The following CDH18 variants were observed in gnomAD, a reference collection of about 807,000 sequenced individuals.
CDH18 encodes the protein cadherin-18.
A neutral mutation model predicts 67.9 loss-of-function variants in CDH18; 31 were observed. That is an observed-to-expected ratio of 0.46 (90% confidence interval 0.34 to 0.62). The LOEUF is 0.62. Ranked by LOEUF, CDH18 falls within the 20% of genes least tolerant of loss-of-function variation. CDH18 has a pLI of 0.01. For synonymous variants in CDH18, 362 were observed against 347.2 expected, an observed-to-expected ratio of 1.04 and a Z score of -0.48; for missense variants, 890 against 975.5, an observed-to-expected ratio of 0.91 and a Z score of 1.17.
At chr5:20,383,789 T>TG (rs1390153348) in intron 1 of CDH18, among the ~76,000 whole-genome samples, 1 of 152,090 alleles carries the variant, frequency 6.6e-6, no homozygotes, top group Non-Finnish European at 1.5e-5. Flanking sequence ...AACATAAACT[T>TG]GTGAGCATAG....
intron 1 of CDH18, among the ~76,000 whole-genome samples, chr5:19,987,253 A>AACACACAC (rs10654722): frequency 0.018 from 2,653 of 144,420 alleles, 72 homozygotes; most frequent in African/African-American, 0.061. Context: ...CTGTACAGAC[A>AACACACAC]ACACACACAC....
chr5:20,520,954 G>C (rs372829616), intron 1 of CDH18, among the ~76,000 whole-genome samples: 1 of 152,178 alleles, frequency 6.6e-6, no homozygotes, highest in South Asian at 2.1e-4. Context: ...TCAGCTAAAA[G>C]GTGAGCAGTA....
chr5:20,109,594 G>A (rs1747278286), intron 2 of CDH18, among the ~76,000 whole-genome samples: 1 of 152,168 alleles, frequency 6.6e-6, no homozygotes, highest in African/African-American at 2.4e-5. Flanking sequence ...TTTTCCTTCA[G>A]ACCTTCCCAA....
At chr5:19,918,309 T>TA (rs565098873) in intron 2 of CDH18, among the ~76,000 whole-genome samples, 1 of 152,192 alleles carries the variant, frequency 6.6e-6, no homozygotes, top group Admixed American at 6.6e-5. Flanking sequence ...ACATTTATCT[T>TA]AAAAAATGGA....
chr5:20,293,828 TA>T (rs1747282731), intron 1 of CDH18, among the ~76,000 whole-genome samples: 1 of 152,184 alleles, frequency 6.6e-6, no homozygotes, highest in Non-Finnish European at 1.5e-5. Context: ...GCTCAACATG[TA>T]AAAACCACAG....
chr5:20,496,740 T>C (rs1753932159), intron 1 of CDH18, among the ~76,000 whole-genome samples: 1 of 152,082 alleles, frequency 6.6e-6, no homozygotes, highest in Non-Finnish European at 1.5e-5. Flanking sequence ...TCATAAAGGA[T>C]AATTAGTAGT....
At chr5:19,816,713 CTTT>C (rs1779322938) in intron 3 of CDH18, among the ~76,000 whole-genome samples, 1 of 151,608 alleles carries the variant, frequency 6.6e-6, no homozygotes, top group Non-Finnish European at 1.5e-5. Context: ...CTGCATCATT[CTTT>C]TTTATTTAAT....
At chr5:19,531,129 T>C (rs182658721) in intron 9 of CDH18, among the ~76,000 whole-genome samples, 1 of 152,270 alleles carries the variant, frequency 6.6e-6, no homozygotes, top group East Asian at 1.9e-4. Flanking sequence ...TTCAAGAAAA[T>C]GTTCTTTGAA....
intron 2 of CDH18, among the ~76,000 whole-genome samples, chr5:20,143,961 G>A (rs548732569): frequency 1.3e-5 from 2 of 152,252 alleles, no homozygotes; most frequent in South Asian, 4.1e-4. Context: ...AAAGGTGTGT[G>A]GAGGCCTCTC....
chr5:20,470,757 G>T (rs181780473), intron 1 of CDH18, among the ~76,000 whole-genome samples: 22 of 152,238 alleles, frequency 1.4e-4, no homozygotes, highest in Admixed American at 1.4e-3. Flanking sequence ...TACACTACAA[G>T]TTCCAGCAAT....
intron 1 of CDH18, among the ~76,000 whole-genome samples, chr5:20,366,684 A>T (rs1210056315): frequency 6.6e-6 from 1 of 152,216 alleles, no homozygotes; most frequent in Non-Finnish European, 1.5e-5. Context: ...GTTGTTGTAA[A>T]GAAAAATTAA....
intron 1 of CDH18, among the ~76,000 whole-genome samples, chr5:20,450,141 C>G (rs1392143605): frequency 1.3e-5 from 2 of 152,086 alleles, no homozygotes; most frequent in Non-Finnish European, 2.9e-5. Flanking sequence ...AGTTGGAGAC[C>G]AGCCTAGCCA....
intron 5 of CDH18, among the ~76,000 whole-genome samples, chr5:19,700,725 C>A (rs1275529524): frequency 6.6e-6 from 1 of 152,140 alleles, no homozygotes; most frequent in Non-Finnish European, 1.5e-5. Flanking sequence ...AGTGGACTCC[C>A]AGGCTTGTAC....
chr5:20,323,012 TA>T (rs1267943593), intron 1 of CDH18, among the ~76,000 whole-genome samples: 2 of 151,690 alleles, frequency 1.3e-5, no homozygotes, highest in African/African-American at 2.4e-5. Flanking sequence ...GAATAGGTTT[TA>T]AAAAAAAGCA....
intron 1 of CDH18, among the ~76,000 whole-genome samples, chr5:20,409,129 C>A (rs188892558): frequency 6.6e-6 from 1 of 151,688 alleles, no homozygotes; most frequent in Non-Finnish European, 1.5e-5. Context: ...TACAATACCA[C>A]ACTTAAGGAA....
chr5:20,166,532 T>G (rs1736307769), intron 2 of CDH18, among the ~76,000 whole-genome samples: 1 of 151,480 alleles, frequency 6.6e-6, no homozygotes, highest in Non-Finnish European at 1.5e-5. Context: ...CATTGCCACC[T>G]ACAGAACTGG....
intron 1 of CDH18, among the ~76,000 whole-genome samples, chr5:20,441,717 A>G (rs1334880914): frequency 6.6e-6 from 1 of 151,846 alleles, no homozygotes; most frequent in African/African-American, 2.4e-5. Context: ...TTTTTTTATC[A>G]TTATTATTTT....
At chr5:20,378,690 G>T (rs571909975) in intron 1 of CDH18, among the ~76,000 whole-genome samples, 1 of 152,186 alleles carries the variant, frequency 6.6e-6, no homozygotes, top group East Asian at 1.9e-4. Context: ...GTGCTAACGA[G>T]TCTGATTCTA....
chr5:20,481,121 G>C (rs999628840), intron 1 of CDH18, among the ~76,000 whole-genome samples: 1 of 150,560 alleles, frequency 6.6e-6, no homozygotes, highest in Non-Finnish European at 1.5e-5. Context: ...GACACACATA[G>C]ACTGAAAATA....
Sources: allele counts gnomAD v4.1 joint callset (sites outside exome capture counted in the v4.1 genomes callset), GRCh38; gene constraint gnomAD v4.1.1; transcripts MANE v1.5; gene names NCBI Gene and HGNC (gene_info 2026-07-23, HGNC 2026-07-21).